NLRP13: variants seen among roughly 807,000 people sequenced by gnomAD.
NLRP13 encodes NLR family pyrin domain containing 13.
A neutral mutation model predicts 94.4 loss-of-function variants in NLRP13; 82 were observed. That is an observed-to-expected ratio of 0.87 (90% CI 0.73 to 1.04). The LOEUF is 1.04. Among genes scored for constraint, NLRP13 ranks in the 50% least tolerant of loss-of-function variants. The probability of loss-of-function intolerance (pLI) is 0.00; values close to 1 mark genes in which losing one functional copy is unlikely to be tolerated. For synonymous variants in NLRP13, 553 were observed against 464.7 expected (o/e 1.19, Z -2.45); for missense variants, 1,426 against 1,230.8 (o/e 1.16, Z -2.37).
intron 1 of NLRP13, among the ~76,000 whole-genome samples, chr19:55,929,629 T>C (rs1987057288): frequency 6.6e-6 from 1 of 151,662 alleles, no homozygotes; most frequent in South Asian, 2.1e-4. Flanking sequence ...TGTCAGTGGG[T>C]GGGGGGCTAG....
intron 1 of NLRP13, among the ~76,000 whole-genome samples, chr19:55,930,898 A>ACACACACGTATATATATACATATATAT: frequency 5.7e-5 from 6 of 104,886 alleles, no homozygotes; most frequent in African/African-American, 2.3e-4. Flanking sequence ...ATATATATAT[A>ACACACACGTATATATATACATATATAT]AAATTTTAAC....
intron 1 of NLRP13, among the ~76,000 whole-genome samples, chr19:55,926,387 G>T (rs1377244182): frequency 6.6e-6 from 1 of 152,232 alleles, no homozygotes; most frequent in Non-Finnish European, 1.5e-5. Flanking sequence ...AGGGAACTTT[G>T]CAAGGACATG....
chr19:55,912,534 C>T lies in NLRP13; in HGVS notation c.1283G>A (p.Cys428Tyr), dbSNP rs1364689823. The change falls in exon 5 of 11, where the codon TGT becomes TAT. Residue 428 changes from cysteine to tyrosine, a missense_variant. Coordinates refer to ENST00000342929, the MANE Select transcript of NLRP13 (RefSeq NM_176810.2). Reference protein sequence around the residue: ...LFHSCSAPMVCWTVCSCLKQP... With the variant: ...LFHSCSAPMVYWTVCSCLKQP... ...CTTCAGACAGGAACATACGGTCCAA[C>T]ACACCATGGGGGCACTGCAGGAATG... The T allele has an allele frequency of 1.9e-6, 3 of 1,614,166 alleles. No individual in the cohort carries two copies. Among genetic ancestry groups the T allele is most frequent in the Non-Finnish European group, 2.5e-6 (3 of 1,180,008 alleles).
At chr19:55,922,930 G>A (rs1035058792) in intron 4 of NLRP13, among the ~76,000 whole-genome samples, 17 of 152,196 alleles carry the variant, frequency 1.1e-4, no homozygotes, top group Non-Finnish European at 2.1e-4. Flanking sequence ...AGTAGTGGGT[G>A]GATGTCTCTG....
At chr19:55,899,264 C>A (rs1353289009) in intron 9 of NLRP13, among the ~76,000 whole-genome samples, 3 of 152,186 alleles carry the variant, frequency 2.0e-5, no homozygotes, top group South Asian at 2.1e-4. Flanking sequence ...GATTCTCAGC[C>A]TTCAAGCTCG....
chr19:55,920,783 T>TA (rs1157433769), intron 4 of NLRP13, among the ~76,000 whole-genome samples: 2 of 152,062 alleles, frequency 1.3e-5, no homozygotes, highest in East Asian at 3.8e-4. Context: ...AATCATATCA[T>TA]AAAGATACCT....
At chr19:55,931,803 T>A (rs1217694213) in intron 1 of NLRP13, among the ~76,000 whole-genome samples, 190 bp downstream of exon 1, 1 of 151,530 alleles carries the variant, frequency 6.6e-6, no homozygotes, top group Non-Finnish European at 1.5e-5. Context: ...CCTTTGCTAC[T>A]CCTTCCCAGG....
intron 1 of NLRP13, among the ~76,000 whole-genome samples, chr19:55,930,557 G>A (rs937556269): frequency 2.0e-5 from 3 of 151,528 alleles, no homozygotes; most frequent in Admixed American, 6.6e-5. Context: ...ATGGTGGCAG[G>A]TGCCTGTAGT....
chr19:55,930,752 T>G (rs1987094112), intron 1 of NLRP13, among the ~76,000 whole-genome samples: 1 of 150,350 alleles, frequency 6.7e-6, no homozygotes, highest in Non-Finnish European at 1.5e-5. Context: ...ACATGATTAT[T>G]TTCAACAGCT....
rs67273235 is a variant in NLRP13 at position 55,898,206 on chromosome 19, G to GTT, written c.2957+562_2957+563dup. On this transcript the variant is annotated intron_variant, in intron 10 of 10. Transcript: ENST00000342929. Reference sequence around the variant, plus strand: ...ATCTAGCAGGAGAGTTTTTGTTTTTGTTTTTGTTTTTTTTTTTTTTGAGAT... The same window carrying GTT: ...ATCTAGCAGGAGAGTTTTTGTTTTTGTTTTTTTGTTTTTTTTTTTTTTGAGAT... 2.7e-3 allele frequency among the ~76,000 whole-genome samples: 55 copies of GTT among 20,072 alleles called. 3 individuals are homozygous for GTT. The highest frequency in any genetic ancestry group is 7.9e-3 in the African/African-American group (41 of 5,194). 13.2% of individuals were successfully genotyped at this position (20,072 alleles called of 152,430 possible). A position where few individuals can be genotyped will look rare whatever the true frequency, so the allele number is the denominator to read the frequency against.
intron 9 of NLRP13, among the ~76,000 whole-genome samples, chr19:55,899,836 T>G (rs1986117831): frequency 6.6e-6 from 1 of 152,054 alleles, no homozygotes; most frequent in African/African-American, 2.4e-5. Flanking sequence ...AAAGGCCAAG[T>G]GTAAGAGAAC....
chr19:55,905,452 T>TAC (rs967864940), intron 7 of NLRP13, among the ~76,000 whole-genome samples: 2 of 149,550 alleles, frequency 1.3e-5, no homozygotes, highest in Non-Finnish European at 1.5e-5. Context: ...TGTATATATA[T>TAC]ACATATATAC....
intron 7 of NLRP13, among the ~76,000 whole-genome samples, chr19:55,907,523 G>T (rs1986388321): frequency 6.6e-6 from 1 of 152,142 alleles, no homozygotes; most frequent in Non-Finnish European, 1.5e-5. Flanking sequence ...AGCAAGCAGA[G>T]ATCACGTCAT....
Position 55,910,468 on chromosome 19 carries a change from G to A in NLRP13, c.2282+95C>T, listed in dbSNP as rs930745083. On this transcript the variant is annotated intron_variant, in intron 6 of 10. Coordinates refer to ENST00000342929, the MANE Select transcript of NLRP13 (RefSeq NM_176810.2). ...TTTTATCCTCCTGAGCACGTAGCTT[G>A]CCTTCTGGCAAATAGTCAACCACAC... 4.2e-6 allele frequency: 5 copies of A among 1,201,270 alleles called. No individual in the cohort carries two copies. The African/African-American group carries it at 6.0e-5, about 14-fold the overall frequency. The allele number at this position is 1,201,270 out of a possible 1,614,324, so 74.4% of individuals were successfully genotyped here. A position where few individuals can be genotyped will look rare whatever the true frequency, so the allele number is the denominator to read the frequency against.
At chr19:55,923,351 C>T (rs113859991) in intron 4 of NLRP13, among the ~76,000 whole-genome samples, 2 of 152,114 alleles carry the variant, frequency 1.3e-5, no homozygotes, top group African/African-American at 2.4e-5. Context: ...GGTTGCAAAG[C>T]TTTGGGGAAG....
rs775627049 is a variant in NLRP13, at chr19:55,932,334, T to C, written c.-23A>G. On this transcript the variant is annotated 5_prime_UTR_variant, in exon 1 of 11. Transcript: ENST00000342929. ...CATCTTGCCCAACACATGCAGTTTC[T>C]CACTTCAGCAAAGGACTCCTATATC... 9.4e-6 allele frequency: 15 copies of C among 1,591,348 alleles called. No homozygotes were observed. Among genetic ancestry groups the C allele is most frequent in the African/African-American group, 1.4e-5 (1 of 73,106 alleles).
intron 8 of NLRP13, among the ~76,000 whole-genome samples, chr19:55,903,781 G>T (rs61556172): frequency 0.016 from 2,481 of 151,954 alleles, 68 homozygotes; most frequent in African/African-American, 0.057. Context: ...TCTACCTTCC[G>T]ATCTATCCTG....
intron 7 of NLRP13, among the ~76,000 whole-genome samples, chr19:55,905,474 C>T (rs988084980): frequency 8.5e-6 from 1 of 118,154 alleles, no homozygotes; most frequent in Non-Finnish European, 2.0e-5. Flanking sequence ...CACATATATA[C>T]ATATATATAT....
At chr19:55,899,476 A>AC (rs200194920) in intron 9 of NLRP13, among the ~76,000 whole-genome samples, 9,440 of 148,262 alleles carry the variant, frequency 0.064, 415 homozygotes, top group African/African-American at 0.13. Context: ...CCTTAAACCC[A>AC]CCCCCCCCAT....
Sources: gnomAD v4.1 joint callset for allele counts (sites outside exome capture counted in the v4.1 genomes callset) on GRCh38, gnomAD v4.1.1 for gene constraint, MANE v1.5 for transcripts, NCBI Gene and HGNC (gene_info 2026-07-23, HGNC 2026-07-21) for gene names.